The following LTBP1 variants were observed in gnomAD, a reference collection of about 807,000 sequenced individuals.
LTBP1 encodes latent-transforming growth factor beta-binding protein 1.
In LTBP1, 129 loss-of-function variants were observed where a neutral mutation model predicts 207.6. The ratio of observed to expected loss-of-function variants is 0.62; its 90% confidence interval spans 0.54 to 0.72. The LOEUF (loss-of-function observed/expected upper bound fraction) is 0.72, where lower values mean the gene tolerates loss of function less well. LTBP1 is among the 30% of genes least tolerant of loss of function. The probability of loss-of-function intolerance (pLI) is 0.00; values close to 1 mark genes in which losing one functional copy is unlikely to be tolerated. For missense variants in LTBP1, 2,281 were observed against 2,217.2 expected (o/e 1.03, Z -0.58); for synonymous variants, 963 against 833.7 (o/e 1.16, Z -2.67).
chr2:32,959,035 A>T (rs1306131594), intron 2 of LTBP1, among the ~76,000 whole-genome samples: 1 of 152,204 alleles, frequency 6.6e-6, no homozygotes, highest in Non-Finnish European at 1.5e-5. Flanking sequence ...CAACTACACT[A>T]TTCCCTGTGG....
At chr2:33,228,856 C>T (rs1201015103) in intron 9 of LTBP1, among the ~76,000 whole-genome samples, 2 of 151,276 alleles carry the variant, frequency 1.3e-5, no homozygotes, top group South Asian at 2.1e-4. Flanking sequence ...CACGCCACCA[C>T]ACCCGGCTAA....
chr2:33,017,005 A>G (rs1688473756), intron 2 of LTBP1, among the ~76,000 whole-genome samples: 1 of 152,246 alleles, frequency 6.6e-6, no homozygotes, highest in African/African-American at 2.4e-5. Flanking sequence ...TGACAGAGTA[A>G]GACTATGTCT....
intron 19 of LTBP1, among the ~76,000 whole-genome samples, chr2:33,287,961 T>A (rs948913901): frequency 2.0e-5 from 3 of 152,186 alleles, no homozygotes; most frequent in African/African-American, 7.2e-5. Context: ...TATAAAAGAT[T>A]ATGTGTGAAG....
At chr2:33,289,308 T>TA (rs1369236928) in intron 19 of LTBP1, among the ~76,000 whole-genome samples, 1 of 152,258 alleles carries the variant, frequency 6.6e-6, no homozygotes, top group Non-Finnish European at 1.5e-5. Flanking sequence ...GCCAAATTGT[T>TA]ATGTCTCAAA....
rs181896724 is a variant in LTBP1, at chr2:33,122,033, C to T, written c.1033+11282C>T. ...TCTAGTTCTTCCCCCCACCCTGCCC[C>T]CCTCCACACACACATCTTGTCATGG... On this transcript the variant is annotated intron_variant, in intron 4 of 33. Coordinates refer to ENST00000404816, the MANE Select transcript of LTBP1 (RefSeq NM_206943.4). Among the ~76,000 whole-genome samples, 148 of 151,862 alleles carry T rather than the reference C, an allele frequency of 9.7e-4. 1 individual carries two copies. The highest frequency in any genetic ancestry group is 3.7e-3 in the Admixed American group (57 of 15,250).
At chr2:33,361,903 C>T (rs1381486202) in intron 28 of LTBP1, among the ~76,000 whole-genome samples, 1 of 151,998 alleles carries the variant, frequency 6.6e-6, no homozygotes. Flanking sequence ...TAAATTTGAC[C>T]ACTGTTTGTC....
intron 30 of LTBP1, 42 bp downstream of exon 30, chr2:33,364,398 CA>C (rs757748470): frequency 6.4e-7 from 1 of 1,564,318 alleles, no homozygotes; most frequent in Admixed American, 2.0e-5. Flanking sequence ...AAATAACTAT[CA>C]TAAGATTTTC....
At chr2:33,145,065 C>G (rs780152744) in intron 5 of LTBP1, among the ~76,000 whole-genome samples, 2 of 152,138 alleles carry the variant, frequency 1.3e-5, no homozygotes, top group African/African-American at 4.8e-5. Flanking sequence ...TAAGAAGAGT[C>G]AGATGCCCTT....
intron 2 of LTBP1, among the ~76,000 whole-genome samples, chr2:32,961,945 CAAAA>C (rs34607490): frequency 1.0e-5 from 1 of 98,446 alleles, no homozygotes; most frequent in Non-Finnish European, 2.1e-5. Flanking sequence ...AACTCCGTCT[CAAAA>C]AAAAAAAAAA....
At chr2:33,057,046 G>A (rs1004652645) in intron 3 of LTBP1, among the ~76,000 whole-genome samples, 4 of 151,992 alleles carry the variant, frequency 2.6e-5, no homozygotes, top group Non-Finnish European at 5.9e-5. Context: ...ACAGAGTGTC[G>A]ATTGGTATAT....
chr2:33,202,495 G>C (rs936705799), intron 7 of LTBP1, among the ~76,000 whole-genome samples: 1 of 152,168 alleles, frequency 6.6e-6, no homozygotes, highest in Non-Finnish European at 1.5e-5. Context: ...CTGGCAACGT[G>C]AATATTACTG....
At chr2:33,142,248 GGTTTCACTGT>G (rs1384411736) in intron 5 of LTBP1, among the ~76,000 whole-genome samples, 2 of 151,874 alleles carry the variant, frequency 1.3e-5, no homozygotes, top group Non-Finnish European at 2.9e-5. Flanking sequence ...GTAGAGATGG[GGTTTCACTGT>G]GTTAGCCAGG....
chr2:33,059,685 T>C (rs1558578718), intron 3 of LTBP1, among the ~76,000 whole-genome samples: 2 of 152,180 alleles, frequency 1.3e-5, no homozygotes, highest in African/African-American at 4.8e-5. Flanking sequence ...AAATACCAAA[T>C]ACATGTCATT....
At chr2:33,070,719 G>T (rs2077746124) in intron 3 of LTBP1, among the ~76,000 whole-genome samples, 1 of 152,166 alleles carries the variant, frequency 6.6e-6, no homozygotes, top group Admixed American at 6.5e-5. Context: ...TAGATCCTGT[G>T]CAGGCAGCTC....
chr2:33,067,655 T>A (rs1302298331), intron 3 of LTBP1, among the ~76,000 whole-genome samples: 1 of 152,194 alleles, frequency 6.6e-6, no homozygotes, highest in Non-Finnish European at 1.5e-5. Context: ...TTACATTGTA[T>A]TAGGTATTAT....
intron 4 of LTBP1, among the ~76,000 whole-genome samples, chr2:33,123,099 A>T (rs1412438000): frequency 6.6e-6 from 1 of 152,142 alleles, no homozygotes; most frequent in African/African-American, 2.4e-5. Context: ...TCCTGTCCAC[A>T]TTCCCTCTTT....
chr2:33,205,408 G>C (rs1350422763), intron 7 of LTBP1, among the ~76,000 whole-genome samples: 1 of 152,148 alleles, frequency 6.6e-6, no homozygotes. Flanking sequence ...CATGAATTGT[G>C]GGTAAATATA....
At chr2:33,178,881 A>G (rs891739552) in intron 5 of LTBP1, among the ~76,000 whole-genome samples, 3 of 152,078 alleles carry the variant, frequency 2.0e-5, no homozygotes, top group Non-Finnish European at 4.4e-5. Context: ...ATGTTTCTAC[A>G]TCTTCTGGCA....
chr2:32,952,403 T>A (rs916305072), intron 2 of LTBP1, among the ~76,000 whole-genome samples: 3 of 152,184 alleles, frequency 2.0e-5, no homozygotes, highest in African/African-American at 7.2e-5. Context: ...CCAGACACCA[T>A]TTGTATGTGG....
Sources: allele counts gnomAD v4.1 joint callset (sites outside exome capture counted in the v4.1 genomes callset), GRCh38; gene constraint gnomAD v4.1.1; transcripts MANE v1.5; gene names NCBI Gene and HGNC (gene_info 2026-07-23, HGNC 2026-07-21).